CEP164: variants seen among roughly 807,000 people sequenced by gnomAD.
The protein encoded by CEP164 is centrosomal protein of 164 kDa.
Under a neutral mutation model 182.7 loss-of-function variants are expected in CEP164, and 162 were observed. That is an observed-to-expected ratio of 0.89 (90% CI 0.78 to 1.01). The LOEUF is 1.01. Ranked by LOEUF, CEP164 falls within the 50% of genes least tolerant of loss-of-function variation. The pLI is 0.00. For synonymous variants in CEP164, 661 were observed against 690.0 expected (o/e 0.96, Z 0.66); for missense variants, 1,735 against 1,790.4 (o/e 0.97, Z 0.56).
rs1310906676 is a variant in CEP164 at position 117,392,257 on chromosome 11, C to T, written c.2315C>T (p.Ala772Val). 1.2e-6 allele frequency: 2 copies of T among 1,611,732 alleles called. No homozygotes were observed. Among genetic ancestry groups the T allele is most frequent in the East Asian group, 2.2e-5 (1 of 44,876 alleles). ...GCAACGCTGGAGAAGGAGCACAGTG[C>T]TGAGCTGGAGCGGCTCTGCTCCTCA... ...AVATLEKEHSAELERLCSSLE... is the reference protein window; with the variant it reads ...AVATLEKEHSVELERLCSSLE... Residue 772 changes from alanine (A) to valine (V), a missense_variant, in exon 18 of 33, where the codon GCT becomes GTT. Ala to Val is a moderately conservative substitution (Grantham distance 64, BLOSUM62 0). Transcript: ENST00000278935.
intron 5 of CEP164, among the ~76,000 whole-genome samples, chr11:117,361,186 C>T (rs958712664): frequency 1.6e-4 from 24 of 147,294 alleles, no homozygotes; most frequent in Non-Finnish European, 3.1e-4. Context: ...CCACTCACCT[C>T]AGCCTCCCAA....
chr11:117,402,225 CT>C lies in CEP164; in HGVS notation c.3501+4926del, dbSNP rs760678070. Among the ~76,000 whole-genome samples, 694 of 141,102 alleles carry C rather than the reference CT, an allele frequency of 4.9e-3. 3 individuals are homozygous for C. Among genetic ancestry groups the C allele is most frequent in the African/African-American group, 0.013 (498 of 38,902 alleles). The allele number at this position is 141,102 out of a possible 152,430, so 92.6% of individuals were successfully genotyped here. ...TTACTTGTTTCTTTTCTTTTCTTGTCTTTTTTTTTTTTTTGAGACAGAGTCT... is the reference window on the plus strand; with the variant it reads ...TTACTTGTTTCTTTTCTTTTCTTGTCTTTTTTTTTTTTTGAGACAGAGTCT... On this transcript the variant is annotated intron_variant, in intron 27 of 32. Coordinates refer to ENST00000278935, the MANE Select transcript of CEP164 (RefSeq NM_014956.5).
intron 5 of CEP164, among the ~76,000 whole-genome samples, chr11:117,361,440 C>G (rs12421205): frequency 0.22 from 32,687 of 151,388 alleles, 3,649 homozygotes; most frequent in African/African-American, 0.27. Context: ...CAGGGTTTCA[C>G]CATATTGGCC....
intron 4 of CEP164, among the ~76,000 whole-genome samples, chr11:117,350,257 C>T (rs1016812229): frequency 2.0e-5 from 3 of 151,826 alleles, no homozygotes; most frequent in African/African-American, 7.3e-5. Flanking sequence ...GGCTGGAGTG[C>T]AGTGGTGTGA....
At chr11:117,364,587 TG>T (rs2041407025) in intron 8 of CEP164, among the ~76,000 whole-genome samples, 1 of 149,888 alleles carries the variant, frequency 6.7e-6, no homozygotes, top group Non-Finnish European at 1.5e-5. Context: ...TTTTTGAGAC[TG>T]GGTGTCACTC....
intron 2 of CEP164, chr11:117,336,406 G>A (rs524914): frequency 5.0e-5 from 70 of 1,398,402 alleles, no homozygotes; most frequent in Non-Finnish European, 7.0e-5. Context: ...AGGAAGGTGG[G>A]GACCCGAGGA....
intron 5 of CEP164, among the ~76,000 whole-genome samples, chr11:117,357,636 G>T (rs2040457128): frequency 6.6e-6 from 1 of 152,104 alleles, no homozygotes; most frequent in Admixed American, 6.6e-5. Context: ...TGGCCAGGCT[G>T]GTATCAAACT....
At chr11:117,367,885 A>C (rs560054308) in intron 8 of CEP164, among the ~76,000 whole-genome samples, 33 of 152,334 alleles carry the variant, frequency 2.2e-4, no homozygotes, top group African/African-American at 7.9e-4. Flanking sequence ...TAGTTAATTA[A>C]TAGCTAACAT....
In CEP164 at chr11:117,362,404, C is replaced by T; in HGVS notation, c.553C>T (p.Pro185Ser). Residue 185 changes from proline to serine, a missense_variant and splice_region_variant, in exon 7 of 33, where the codon CCT becomes TCT. By Grantham distance (74) the Pro-to-Ser change is moderately conservative (BLOSUM62 -1). Coordinates refer to ENST00000278935, the MANE Select transcript of CEP164 (RefSeq NM_014956.5). ...SGRQLGELML[P>S]SQGLKTSAYT... is the part of the protein sequence containing the mutation. ...TTGACTGTCCTTCTCTATTTTGAAG[C>T]CTTCACAGGGTCTCAAGACCTCTGC... 2 of 1,610,594 alleles carry T rather than the reference C, an allele frequency of 1.2e-6. No individual in the cohort carries two copies. Among genetic ancestry groups the T allele is most frequent in the South Asian group, 1.1e-5 (1 of 90,768 alleles).
intron 8 of CEP164, among the ~76,000 whole-genome samples, chr11:117,369,433 G>C (rs1565505178): frequency 1.3e-5 from 2 of 152,228 alleles, no homozygotes; most frequent in African/African-American, 4.8e-5. Context: ...CCAAAGCTGA[G>C]CTCTGAATGA....
chr11:117,387,448 C>T, intron 15 of CEP164, 36 bp downstream of exon 15: 5 of 1,599,872 alleles, frequency 3.1e-6, no homozygotes, highest in Non-Finnish European at 4.3e-6. Flanking sequence ...TTCCTGGGGC[C>T]TTTCAGGGAT....
chr11:117,411,816 G>A lies in CEP164; in HGVS notation c.4185G>A (p.Gln1395=), dbSNP rs763012763. The A allele has an allele frequency of 6.2e-7, 1 of 1,614,138 alleles. No individual in the cohort carries two copies. Among genetic ancestry groups the A allele is most frequent in the East Asian group, 2.2e-5 (1 of 44,876 alleles). ...CCAGTGAGCAGCTCCGGCTCCTACA[G>A]CACTCCCATTCGCAAGTCCCTGAGG... ...MSASEQLRLL[Q]HSHSQVPEAG... The change falls in exon 32 of 33, where the codon CAG becomes CAA. Residue 1395 remains glutamine (Q), a synonymous_variant. Transcript: ENST00000278935. This position sits in a 1 kb window ranked among gnomAD's most constrained non-coding sequence, Gnocchi z 4.4.
chr11:117,381,564 T>C lies in CEP164; in HGVS notation c.1410-137T>C, dbSNP rs111284162. The C allele has an allele frequency of 2.2e-4, 232 of 1,048,976 alleles. 2 individuals carry two copies. In the African/African-American group the frequency reaches 3.3e-3, roughly 15 times the overall value. 65.0% of individuals were successfully genotyped at this position (1,048,976 alleles called of 1,614,324 possible). A position where few individuals can be genotyped will look rare whatever the true frequency, so the allele number is the denominator to read the frequency against. On this transcript the variant is annotated intron_variant, in intron 12 of 32. Transcript: ENST00000278935. ...TGCCTTGCCCTGCTATGGCTCTCCA[T>C]GGATGGATGTGGGGGTGGGGCTGGA... is the stretch of plus-strand genomic sequence containing the variant.
At chr11:117,395,250 C>T in intron 23 of CEP164, 59 bp downstream of exon 23, 1 of 1,575,100 alleles carries the variant, frequency 6.3e-7, no homozygotes. Flanking sequence ...TCTTTCTTCT[C>T]CCTGTTCCCC....
chr11:117,400,983 T>C (rs539202020), intron 27 of CEP164, among the ~76,000 whole-genome samples: 23 of 152,328 alleles, frequency 1.5e-4, no homozygotes, highest in African/African-American at 5.5e-4. Flanking sequence ...TTTGTTTCTT[T>C]CTCTTGCCTG....
At chr11:117,337,148 CTT>C (rs2037284768) in intron 2 of CEP164, among the ~76,000 whole-genome samples, 1 of 152,072 alleles carries the variant, frequency 6.6e-6, no homozygotes, top group African/African-American at 2.4e-5. Flanking sequence ...ACAGAAATCT[CTT>C]TTCTCATAGT....
chr11:117,348,483 T>G (rs1234725785), intron 4 of CEP164, among the ~76,000 whole-genome samples: 3 of 152,178 alleles, frequency 2.0e-5, no homozygotes, highest in African/African-American at 7.2e-5. Flanking sequence ...GTGGCAGAAC[T>G]CTTTGATTAT....
intron 3 of CEP164, among the ~76,000 whole-genome samples, chr11:117,343,629 CTT>C (rs558296878): frequency 6.2e-5 from 8 of 129,688 alleles, no homozygotes; most frequent in Non-Finnish European, 1.1e-4. Context: ...TATTTTTTGC[CTT>C]TTTTTTTTTT....
At chr11:117,391,276 C>A in intron 17 of CEP164, 61 bp downstream of exon 17, 1 of 1,488,752 alleles carries the variant, frequency 6.7e-7, no homozygotes, top group Non-Finnish European at 9.1e-7. Flanking sequence ...TGGGGAGGGA[C>A]TGAGTGCACA....
Sources: gnomAD v4.1 joint callset for allele counts (sites outside exome capture counted in the v4.1 genomes callset) on GRCh38, gnomAD v4.1.1 for gene constraint, Gnocchi (gnomAD v3.1) non-coding constraint, MANE v1.5 for transcripts, NCBI Gene and HGNC (gene_info 2026-07-23, HGNC 2026-07-21) for gene names.